Variants in JAKMIP2 observed in about 807,000 individuals in gnomAD.
JAKMIP2 encodes the protein janus kinase and microtubule-interacting protein 2.
A neutral mutation model predicts 115.0 loss-of-function variants in JAKMIP2; 25 were observed. The ratio of observed to expected loss-of-function variants is 0.22; its 90% CI spans 0.16 to 0.30. JAKMIP2 has a LOEUF of 0.30. Among genes scored for constraint, JAKMIP2 ranks in the 10% least tolerant of loss-of-function variants. JAKMIP2 has a pLI of 1.00. For missense variants in JAKMIP2, 642 were observed against 957.6 expected (o/e 0.67, Z 4.35); for synonymous variants, 334 against 343.6 (o/e 0.97, Z 0.31).
At chr5:147,607,979 CTCTGATCGTAG>C (rs1177703388) in intron 20 of JAKMIP2, among the ~76,000 whole-genome samples, 2 of 152,104 alleles carry the variant, frequency 1.3e-5, no homozygotes, top group Non-Finnish European at 2.9e-5. Flanking sequence ...TTATAGTATT[CTCTGATCGTAG>C]TTTGTATTTC....
At chr5:147,620,554 C>A in intron 18 of JAKMIP2, 112 bp downstream of exon 18, 1 of 599,308 alleles carries the variant, frequency 1.7e-6, no homozygotes, top group Non-Finnish European at 2.9e-6. Context: ...AATGAATGAA[C>A]TGCATGTCGT....
intron 1 of JAKMIP2, among the ~76,000 whole-genome samples, chr5:147,702,652 GAA>G (rs1212586942): frequency 1.2e-4 from 14 of 118,658 alleles, no homozygotes; most frequent in African/African-American, 3.1e-4. Context: ...AAGAAAGAAA[GAA>G]AGAAAGAAAG....
At chr5:147,702,467 G>GGAAGGA (rs1752369921) in intron 1 of JAKMIP2, among the ~76,000 whole-genome samples, 1 of 133,576 alleles carries the variant, frequency 7.5e-6, no homozygotes, top group African/African-American at 3.0e-5. Flanking sequence ...GGAAGGAAGG[G>GGAAGGA]AGGGAGGGAA....
intron 10 of JAKMIP2, among the ~76,000 whole-genome samples, chr5:147,638,964 CA>C (rs1289713047): frequency 1.3e-5 from 2 of 152,120 alleles, no homozygotes; most frequent in Non-Finnish European, 2.9e-5. Flanking sequence ...TGGAACACAG[CA>C]AGCACTCAAT....
chr5:147,743,333 C>A (rs550361999), intron 1 of JAKMIP2, among the ~76,000 whole-genome samples: 4 of 152,262 alleles, frequency 2.6e-5, no homozygotes, highest in Admixed American at 2.0e-4. Flanking sequence ...GCTAAAGATA[C>A]AAAAATTGCT....
intron 20 of JAKMIP2, among the ~76,000 whole-genome samples, chr5:147,609,589 T>C (rs1027988202): frequency 6.6e-6 from 1 of 152,204 alleles, no homozygotes; most frequent in Non-Finnish European, 1.5e-5. Context: ...CCGCCCTTTC[T>C]CTCTGGCTGT....
intron 1 of JAKMIP2, among the ~76,000 whole-genome samples, chr5:147,748,018 A>C (rs568604827): frequency 6.6e-6 from 1 of 152,290 alleles, no homozygotes; most frequent in South Asian, 2.1e-4. Context: ...AATAATTGGG[A>C]ACATTGACTG....
intron 18 of JAKMIP2, among the ~76,000 whole-genome samples, chr5:147,619,755 T>A (rs1756760163): frequency 6.6e-6 from 1 of 152,074 alleles, no homozygotes; most frequent in Non-Finnish European, 1.5e-5. Context: ...CCATTTACCA[T>A]GGAAGCCTCA....
intron 2 of JAKMIP2, among the ~76,000 whole-genome samples, chr5:147,670,966 G>T (rs923961387): frequency 6.6e-6 from 1 of 152,172 alleles, no homozygotes; most frequent in Non-Finnish European, 1.5e-5. Flanking sequence ...GCTAAGAATA[G>T]GCTATGGGGA....
chr5:147,692,660 A>G (rs1751918267), intron 1 of JAKMIP2, among the ~76,000 whole-genome samples: 1 of 152,200 alleles, frequency 6.6e-6, no homozygotes, highest in Admixed American at 6.5e-5. Context: ...AACATTTTTT[A>G]AATGAAAGAG....
At chr5:147,682,782 T>C (rs971661334) in intron 1 of JAKMIP2, among the ~76,000 whole-genome samples, 10 of 152,228 alleles carry the variant, frequency 6.6e-5, no homozygotes, top group African/African-American at 2.4e-4. Flanking sequence ...TAAAGCTTGA[T>C]GTAACACTAG....
intron 1 of JAKMIP2, among the ~76,000 whole-genome samples, chr5:147,703,477 G>C (rs571528120): frequency 6.6e-6 from 1 of 152,192 alleles, no homozygotes; most frequent in Non-Finnish European, 1.5e-5. Context: ...GTGAGTGAAC[G>C]TGAAGACCTA....
Position 147,590,246 on chromosome 5 carries a change from T to C in JAKMIP2, c.*1461A>G, listed in dbSNP as rs1209468748. On this transcript the variant is annotated 3_prime_UTR_variant, in exon 22 of 22. Transcript: ENST00000616793. Reference sequence around the variant, plus strand: ...GCTCCCTACACATATTCTCTATGCATGGGAATTCTAGCCCCATAAATAAAA... The same window carrying C: ...GCTCCCTACACATATTCTCTATGCACGGGAATTCTAGCCCCATAAATAAAA... The C allele has an allele frequency of 2.0e-5, 3 of 152,236 alleles. No homozygotes were observed. Among genetic ancestry groups the C allele is most frequent in the Non-Finnish European group, 4.4e-5 (3 of 68,048 alleles). 9.4% of individuals were successfully genotyped at this position (152,236 alleles called of 1,614,324 possible).
chr5:147,683,619 T>C (rs750294215), intron 1 of JAKMIP2, among the ~76,000 whole-genome samples: 2 of 152,220 alleles, frequency 1.3e-5, no homozygotes, highest in African/African-American at 2.4e-5. Flanking sequence ...CAAGATTTTC[T>C]ATTTTAGGCA....
chr5:147,782,503 T>G lies in JAKMIP2; in HGVS notation c.-196A>C. On this transcript the variant is annotated 5_prime_UTR_variant, in exon 1 of 22. Coordinates refer to ENST00000616793, the MANE Select transcript of JAKMIP2 (RefSeq NM_001270941.2). ...GTTTAAAGGAGGGAGAGATGCAAAC[T>G]GAATCCATTTTCCTTGTGACCGAGT... 1 of 1,534,594 alleles carries G rather than the reference T, an allele frequency of 6.5e-7. No individual in the cohort carries two copies. The highest frequency in any genetic ancestry group is 8.7e-7 in the Non-Finnish European group (1 of 1,145,622).
intron 4 of JAKMIP2, among the ~76,000 whole-genome samples, chr5:147,649,919 TG>T (rs1296843280): frequency 1.3e-5 from 2 of 152,148 alleles, no homozygotes; most frequent in African/African-American, 4.8e-5. Context: ...AGATTAAAAA[TG>T]GTTTTGTCTT....
intron 1 of JAKMIP2, among the ~76,000 whole-genome samples, chr5:147,750,523 C>T (rs763192853): frequency 1.3e-4 from 19 of 150,820 alleles, no homozygotes; most frequent in Non-Finnish European, 2.4e-4. Context: ...TAAGCACACC[C>T]ATTTCCCAAG....
chr5:147,709,138 A>G (rs1369474112), intron 1 of JAKMIP2, among the ~76,000 whole-genome samples: 2 of 152,234 alleles, frequency 1.3e-5, no homozygotes, highest in Non-Finnish European at 2.9e-5. Context: ...CGTTTACTAA[A>G]TAAATGACAT....
chr5:147,699,678 T>C (rs1038663898), intron 1 of JAKMIP2, among the ~76,000 whole-genome samples: 1 of 152,074 alleles, frequency 6.6e-6, no homozygotes, highest in Non-Finnish European at 1.5e-5. Context: ...AGAACAAAAA[T>C]AGAATTCCAG....
Sources: allele counts gnomAD v4.1 joint callset (sites outside exome capture counted in the v4.1 genomes callset), GRCh38; gene constraint gnomAD v4.1.1; transcripts MANE v1.5; gene names NCBI Gene and HGNC (gene_info 2026-07-23, HGNC 2026-07-21).